CCSER1: variants seen among roughly 807,000 people sequenced by gnomAD.
CCSER1 encodes coiled-coil serine rich protein 1.
CCSER1 carries 41 observed loss-of-function variants against 82.0 expected under a neutral mutation model. The ratio of observed to expected loss-of-function variants is 0.50; its 90% CI spans 0.39 to 0.65. The LOEUF (loss-of-function observed/expected upper bound fraction) is 0.65, where lower values mean the gene tolerates loss of function less well. Ranked by LOEUF, CCSER1 falls within the 30% of genes least tolerant of loss-of-function variation. The probability of loss-of-function intolerance (pLI) is 0.00; values close to 1 mark genes in which losing one functional copy is unlikely to be tolerated. For missense variants in CCSER1, 1,119 were observed against 1,064.2 expected (o/e 1.05, Z -0.72); for synonymous variants, 414 against 383.9 (o/e 1.08, Z -0.92).
At chr4:91,225,326 A>G (rs1458796466) in intron 10 of CCSER1, among the ~76,000 whole-genome samples, 1 of 128,124 alleles carries the variant, frequency 7.8e-6, no homozygotes, top group Non-Finnish European at 1.6e-5. Context: ...ATATATATGT[A>G]TATATATTAT....
At chr4:90,668,918 C>T (rs1243863522) in intron 6 of CCSER1, among the ~76,000 whole-genome samples, 1 of 151,868 alleles carries the variant, frequency 6.6e-6, no homozygotes, top group African/African-American at 2.4e-5. Context: ...GGTACTAATA[C>T]AGTAAGGGGA....
intron 4 of CCSER1, among the ~76,000 whole-genome samples, chr4:90,414,667 A>G (rs1755523209): frequency 6.6e-6 from 1 of 152,104 alleles, no homozygotes; most frequent in South Asian, 2.1e-4. Context: ...GTTAGCAGCG[A>G]GGTTCGTTAG....
chr4:90,965,142 T>A (rs1734438286), intron 9 of CCSER1, among the ~76,000 whole-genome samples: 3 of 152,158 alleles, frequency 2.0e-5, no homozygotes, highest in Admixed American at 2.0e-4. Flanking sequence ...AGCCCTATCC[T>A]ATCCACAGGA....
chr4:90,235,535 C>T (rs1049069473), intron 1 of CCSER1, among the ~76,000 whole-genome samples: 1 of 152,136 alleles, frequency 6.6e-6, no homozygotes, highest in Admixed American at 6.5e-5. Flanking sequence ...GTCTTAACTA[C>T]ATTAGATATT....
chr4:90,605,816 A>AT (rs149272966), intron 5 of CCSER1, among the ~76,000 whole-genome samples: 5 of 151,914 alleles, frequency 3.3e-5, no homozygotes, highest in Admixed American at 2.6e-4. Flanking sequence ...AGTTTTGTAT[A>AT]TTTTTTTTCA....
chr4:90,586,169 AT>A (rs1251169663), intron 5 of CCSER1, among the ~76,000 whole-genome samples: 2 of 152,096 alleles, frequency 1.3e-5, no homozygotes, highest in African/African-American at 4.8e-5. Context: ...CTGGCATTAG[AT>A]TCATGAGAGC....
chr4:91,521,189 G>A (rs2110140750), intron 10 of CCSER1, among the ~76,000 whole-genome samples: 1 of 152,242 alleles, frequency 6.6e-6, no homozygotes, highest in East Asian at 1.9e-4. Context: ...ACAGCTTCAT[G>A]CATGTCCCTG....
intron 8 of CCSER1, among the ~76,000 whole-genome samples, chr4:90,917,758 G>A (rs1367823472): frequency 1.3e-5 from 2 of 152,110 alleles, no homozygotes; most frequent in African/African-American, 4.8e-5. Context: ...TGACATTGAA[G>A]TCCCTTACAA....
chr4:91,563,297 C>A (rs1267434193), intron 10 of CCSER1, among the ~76,000 whole-genome samples: 1 of 151,526 alleles, frequency 6.6e-6, no homozygotes, highest in African/African-American at 2.4e-5. Flanking sequence ...TAACTGAATT[C>A]AATAGCATAT....
intron 4 of CCSER1, among the ~76,000 whole-genome samples, chr4:90,431,587 G>C (rs543792758): frequency 2.0e-5 from 3 of 152,140 alleles, no homozygotes; most frequent in African/African-American, 7.2e-5. Flanking sequence ...ATAAAATTTA[G>C]AAATCTTTCT....
chr4:90,892,255 C>T (rs1723068184), intron 8 of CCSER1, among the ~76,000 whole-genome samples: 1 of 151,712 alleles, frequency 6.6e-6, no homozygotes, highest in South Asian at 2.1e-4. Flanking sequence ...GGCAGTAGAC[C>T]TTTAATTTTA....
At chr4:91,027,095 A>C (rs1230902502) in intron 9 of CCSER1, among the ~76,000 whole-genome samples, 2 of 152,096 alleles carry the variant, frequency 1.3e-5, no homozygotes, top group Admixed American at 1.3e-4. Context: ...CTACCCATGT[A>C]GAACTGGGCA....
chr4:91,299,981 G>A (rs1263845096), intron 10 of CCSER1, among the ~76,000 whole-genome samples: 1 of 151,884 alleles, frequency 6.6e-6, no homozygotes, highest in Non-Finnish European at 1.5e-5. Flanking sequence ...ACAAAACATT[G>A]CCAAGTTAGC....
rs550160292 is a variant in CCSER1, at chr4:90,506,619, G to A, written c.1724+38265G>A. ...CTCTACTAAAAAATACAAAAAATTA[G>A]CCAGGCATGGTAGTGTGTGCCTGTA... On this transcript the variant is annotated intron_variant, in intron 5 of 10. Coordinates refer to ENST00000509176, the MANE Select transcript of CCSER1 (RefSeq NM_001145065.2). Among the ~76,000 whole-genome samples the A allele has an allele frequency of 2.7e-4, 41 of 152,070 alleles. No homozygotes were observed. The East Asian group carries it at 3.3e-3, about 12-fold the overall frequency.
chr4:90,606,589 TCAAC>T (rs796782302), intron 5 of CCSER1, among the ~76,000 whole-genome samples: 42 of 152,314 alleles, frequency 2.8e-4, no homozygotes, highest in African/African-American at 8.9e-4. Flanking sequence ...CTGATTTTGA[TCAAC>T]CAAGTTTTAA....
chr4:91,436,980 G>A (rs151217602), intron 10 of CCSER1, among the ~76,000 whole-genome samples: 119 of 152,294 alleles, frequency 7.8e-4, no homozygotes, highest in African/African-American at 2.7e-3. Flanking sequence ...CCTGGCAATT[G>A]CACATAAGGT....
intron 5 of CCSER1, among the ~76,000 whole-genome samples, chr4:90,609,880 G>A (rs1045792428): frequency 2.0e-5 from 3 of 152,050 alleles, no homozygotes; most frequent in African/African-American, 7.2e-5. Flanking sequence ...TCCTTACTTG[G>A]GTGACATAGG....
At chr4:91,410,166 C>G (rs748042624) in intron 10 of CCSER1, among the ~76,000 whole-genome samples, 34 of 152,144 alleles carry the variant, frequency 2.2e-4, no homozygotes, top group Non-Finnish European at 4.9e-4. Context: ...AAAAAGTTAC[C>G]TAGTCAAAAG....
At chr4:91,591,162 T>C (rs999449203) in intron 10 of CCSER1, among the ~76,000 whole-genome samples, 1 of 152,104 alleles carries the variant, frequency 6.6e-6, no homozygotes, top group Non-Finnish European at 1.5e-5. Flanking sequence ...ATGTACATGA[T>C]GGTCCCAAAA....
Sources: allele counts gnomAD v4.1 joint callset (sites outside exome capture counted in the v4.1 genomes callset), GRCh38; gene constraint gnomAD v4.1.1; transcripts MANE v1.5; gene names NCBI Gene and HGNC (gene_info 2026-07-23, HGNC 2026-07-21).